The following NEDD8 variants were observed in gnomAD, a reference collection of about 807,000 sequenced individuals.
NEDD8 encodes the protein ubiquitin-like protein NEDD8.
Under a neutral mutation model 13.8 loss-of-function variants are expected in NEDD8, and 1 was observed. That is an observed-to-expected ratio of 0.07 (90% CI 0.03 to 0.34). The LOEUF is 0.34. Ranked by LOEUF, NEDD8 falls within the 10% of genes least tolerant of loss-of-function variation. The probability of loss-of-function intolerance (pLI) is 0.99; values close to 1 mark genes in which losing one functional copy is unlikely to be tolerated. For synonymous variants in NEDD8, 31 were observed against 33.2 expected (o/e 0.93, Z 0.23); for missense variants, 10 against 95.2 (o/e 0.10, Z 3.73).
chr14:24,229,308 C>T (rs772775617), intron 1 of NEDD8, among the ~76,000 whole-genome samples: 3 of 152,226 alleles, frequency 2.0e-5, no homozygotes, highest in Non-Finnish European at 2.9e-5. Flanking sequence ...CAACCTCTGC[C>T]TCCCAGGTTC....
chr14:24,224,085 G>A (rs1218534852), intron 1 of NEDD8, among the ~76,000 whole-genome samples: 2 of 152,024 alleles, frequency 1.3e-5, no homozygotes, highest in Non-Finnish European at 2.9e-5. Flanking sequence ...CCGCCACTAC[G>A]CCCAGGCTAA....
At chr14:24,229,940 AC>A (rs1039816951) in intron 1 of NEDD8, among the ~76,000 whole-genome samples, 1 of 151,898 alleles carries the variant, frequency 6.6e-6, no homozygotes, top group Admixed American at 6.6e-5. Flanking sequence ...GCGTGGTGGC[AC>A]ACCCTGTAGT....
intron 1 of NEDD8, among the ~76,000 whole-genome samples, chr14:24,222,785 T>C (rs1442826254): frequency 1.3e-5 from 2 of 152,108 alleles, no homozygotes. Flanking sequence ...GTATTTCATA[T>C]TTACATCACA....
intron 1 of NEDD8, chr14:24,227,619 C>A (rs1042629713): frequency 1.3e-5 from 2 of 152,070 alleles, no homozygotes; most frequent in Non-Finnish European, 2.9e-5. Context: ...TTCCAGACAC[C>A]TGAATGATTG....
intron 1 of NEDD8, chr14:24,226,912 T>C (rs745757923): frequency 7.2e-5 from 11 of 152,200 alleles, no homozygotes; most frequent in Non-Finnish European, 1.5e-4. Flanking sequence ...TTTTTCATAA[T>C]AGCCAGAAAC....
At chr14:24,218,073 C>T (rs1451114006) in intron 3 of NEDD8, 60 bp downstream of exon 3, 17 of 1,609,362 alleles carry the variant, frequency 1.1e-5, no homozygotes, top group African/African-American at 2.7e-5. Flanking sequence ...GTACGTGCCC[C>T]CTCTCCTCTT....
At chr14:24,223,027 G>A (rs1383447601) in intron 1 of NEDD8, among the ~76,000 whole-genome samples, 3 of 149,932 alleles carry the variant, frequency 2.0e-5, no homozygotes, top group African/African-American at 7.4e-5. Context: ...CGGAGGTTAC[G>A]GTGAGCTGAG....
Position 24,232,237 on chromosome 14 carries a change from G to T in NEDD8, c.18+13C>A. 2 of 1,614,128 alleles carry T rather than the reference G, an allele frequency of 1.2e-6. No homozygotes were observed. Among genetic ancestry groups the T allele is most frequent in the South Asian group, 1.1e-5 (1 of 91,082 alleles). ...GTACTACTGCGTCTTGGCAAGGCTG[G>T]AGGTGCTCCCACCTTCACTTTAATT... On this transcript the variant is annotated intron_variant, in intron 1 of 3. Transcript: ENST00000250495.
chr14:24,224,328 T>A (rs746367919), intron 1 of NEDD8, among the ~76,000 whole-genome samples: 13 of 152,076 alleles, frequency 8.5e-5, no homozygotes, highest in Non-Finnish European at 1.8e-4. Flanking sequence ...CCTCCCAAAG[T>A]GTTGGGATTA....
chr14:24,225,837 G>C (rs760817331), intron 1 of NEDD8, among the ~76,000 whole-genome samples: 3 of 152,080 alleles, frequency 2.0e-5, no homozygotes, highest in Non-Finnish European at 4.4e-5. Context: ...TCAGGAGTTC[G>C]AGGCCAGCCT....
intron 3 of NEDD8, among the ~76,000 whole-genome samples, chr14:24,217,434 C>T (rs759212619): frequency 2.0e-4 from 30 of 152,172 alleles, no homozygotes; most frequent in Non-Finnish European, 3.2e-4. Context: ...GGATTACAAG[C>T]GCCCACCACC....
intron 1 of NEDD8, among the ~76,000 whole-genome samples, chr14:24,231,034 C>A (rs948675664): frequency 1.3e-5 from 2 of 152,206 alleles, no homozygotes; most frequent in Non-Finnish European, 2.9e-5. Context: ...GGCCTACAGG[C>A]ATGCGCCCAG....
At chr14:24,218,297 A>C in intron 2 of NEDD8, 82 bp from the exon 3 acceptor site, 1 of 1,613,956 alleles carries the variant, frequency 6.2e-7, no homozygotes, top group Non-Finnish European at 8.5e-7. Context: ...TGCAGACAGC[A>C]TGAGAGCAAA....
chr14:24,229,244 C>A (rs995823001), intron 1 of NEDD8, among the ~76,000 whole-genome samples: 9 of 152,142 alleles, frequency 5.9e-5, no homozygotes, highest in African/African-American at 2.2e-4. Flanking sequence ...TTTTTTGAGA[C>A]AGTCTCACTC....
chr14:24,222,450 T>G (rs918526335), intron 1 of NEDD8, among the ~76,000 whole-genome samples: 1 of 152,212 alleles, frequency 6.6e-6, no homozygotes, highest in Non-Finnish European at 1.5e-5. Context: ...AGTGGAATTA[T>G]GGGTGATTTT....
At chr14:24,232,011 C>T (rs2040043695) in intron 1 of NEDD8, 1 of 575,296 alleles carries the variant, frequency 1.7e-6, no homozygotes, top group South Asian at 2.3e-5. Context: ...GGTGATAGCA[C>T]AGTCCTGGCA....
At chr14:24,229,493 C>T (rs980871790) in intron 1 of NEDD8, among the ~76,000 whole-genome samples, 1 of 152,196 alleles carries the variant, frequency 6.6e-6, no homozygotes, top group African/African-American at 2.4e-5. Context: ...GCTGGGATTA[C>T]AGGCGTGAGC....
intron 1 of NEDD8, chr14:24,227,042 T>C (rs892818133): frequency 6.6e-6 from 1 of 152,234 alleles, no homozygotes; most frequent in Non-Finnish European, 1.5e-5. Flanking sequence ...GTAGACATTA[T>C]GCAGAATGAA....
chr14:24,217,193 C>T lies in NEDD8; in HGVS notation c.180G>A (p.Lys60=), dbSNP rs199786831. 63 of 1,613,642 alleles carry T rather than the reference C, an allele frequency of 3.9e-5. No homozygotes were observed. The highest frequency in any genetic ancestry group is 4.7e-5 in the Non-Finnish European group (56 of 1,179,836). The change falls in exon 4 of 4, where the codon AAG becomes AAA. Residue 60 remains lysine (K), a synonymous_variant. Transcript: ENST00000250495. The part of the protein sequence containing the change: ...MNDEKTAADY[K]ILGGSVLHLV... ...GGTGAAGGACTGAACCACCTAAAAT[C>T]TTGTAATCAGCTGCTGTCTTCTCAT...
Sources: allele counts gnomAD v4.1 joint callset (sites outside exome capture counted in the v4.1 genomes callset), GRCh38; gene constraint gnomAD v4.1.1; transcripts MANE v1.5; gene names NCBI Gene and HGNC (gene_info 2026-07-23, HGNC 2026-07-21).